Variants in OGDH observed in about 807,000 individuals in gnomAD.
OGDH encodes oxoglutarate dehydrogenase.
In OGDH, 38 loss-of-function variants were observed where a neutral mutation model predicts 116.6. The ratio of observed to expected loss-of-function variants is 0.33; its 90% CI spans 0.25 to 0.43. The LOEUF (loss-of-function observed/expected upper bound fraction) is 0.43. OGDH is among the 20% of genes least tolerant of loss of function. The pLI is 1.00. For synonymous variants in OGDH, 488 were observed against 533.3 expected (o/e 0.92, Z 1.17); for missense variants, 825 against 1,357.2 (o/e 0.61, Z 6.16).
chr7:44,707,288 A>G lies in OGDH; in HGVS notation c.2696A>G (p.Lys899Arg). 1 of 1,614,256 alleles carries G rather than the reference A, an allele frequency of 6.2e-7. No homozygotes were observed. Among genetic ancestry groups the G allele is most frequent in the African/African-American group, 1.3e-5 (1 of 75,068 alleles). Residue 899 changes from lysine (K) to arginine (R), a missense_variant, in exon 21 of 23, where the codon AAA becomes AGA. Lys to Arg is a conservative substitution (Grantham distance 26, BLOSUM62 2). Around this residue, in one of 7 missense-constraint regions of OGDH, gnomAD observed 212 missense variants for 284.3 expected, o/e 0.75. Transcript: ENST00000222673. This position sits in a 1 kb window ranked among gnomAD's most constrained non-coding sequence, Gnocchi z 5.2. ...GCAGCTCAGAACCCAGAAAATGTCA[A>G]AAGGCTTCTCTTCTGCACCGGCAAA... ...GPAAQNPENV[K>R]RLLFCTGKVY...
intron 4 of OGDH, among the ~76,000 whole-genome samples, chr7:44,652,312 AT>A (rs1786485701): frequency 6.6e-6 from 1 of 150,582 alleles, no homozygotes; most frequent in Non-Finnish European, 1.5e-5. Flanking sequence ...GTTTCACCAT[AT>A]TGGCCAGGCT....
intron 1 of OGDH, among the ~76,000 whole-genome samples, chr7:44,612,113 T>C (rs190722826): frequency 1.3e-5 from 2 of 152,278 alleles, no homozygotes; most frequent in Admixed American, 6.5e-5. Context: ...GTGGGGGGTT[T>C]TTGCTTATGA....
chr7:44,698,074 C>T, intron 17 of OGDH, 118 bp from the exon 18 acceptor site: 1 of 1,189,476 alleles, frequency 8.4e-7, no homozygotes, highest in Non-Finnish European at 1.2e-6. Flanking sequence ...GGAACTGAAC[C>T]CTGCCATCAA....
At chr7:44,621,951 G>A (rs1029933853) in intron 1 of OGDH, among the ~76,000 whole-genome samples, 1 of 152,132 alleles carries the variant, frequency 6.6e-6, no homozygotes, top group African/African-American at 2.4e-5. Flanking sequence ...ACTGCGGATA[G>A]CAAAATGTCA....
intron 20 of OGDH, among the ~76,000 whole-genome samples, chr7:44,703,077 G>A (rs1474824334): frequency 6.6e-6 from 1 of 152,030 alleles, no homozygotes. Context: ...TAATGTCTGC[G>A]AGGTCCATCC....
At chr7:44,667,369 G>A (rs1787230620) in intron 5 of OGDH, among the ~76,000 whole-genome samples, 1 of 152,180 alleles carries the variant, frequency 6.6e-6, no homozygotes, top group African/African-American at 2.4e-5. Flanking sequence ...GATCCCACTA[G>A]GAGTTTATTA....
chr7:44,697,623 C>T lies in OGDH; in HGVS notation c.2199C>T (p.Ala733=), dbSNP rs774585534. 16 of 1,614,152 alleles carry T rather than the reference C, an allele frequency of 9.9e-6. No homozygotes were observed. Among genetic ancestry groups the T allele is most frequent in the Non-Finnish European group, 1.1e-5 (13 of 1,180,056 alleles). Reference sequence around the variant, plus strand: ...TTGTAGGCTTTGAGCTGGGCTTCGCCATGGCCAGTCCTAATGCCCTGGTCC... The same window carrying T: ...TTGTAGGCTTTGAGCTGGGCTTCGCTATGGCCAGTCCTAATGCCCTGGTCC... The part of the protein sequence containing the change: ...YGVLGFELGF[A]MASPNALVLW... The change falls in exon 17 of 23, where the codon GCC becomes GCT. Residue 733 remains alanine, a synonymous_variant. Transcript: ENST00000222673. The surrounding 1 kb of genome is among the most constrained non-coding windows in gnomAD (Gnocchi z 6.0).
At chr7:44,656,561 G>A (rs1382287478) in intron 4 of OGDH, among the ~76,000 whole-genome samples, 5 of 152,242 alleles carry the variant, frequency 3.3e-5, no homozygotes, top group Admixed American at 6.5e-5. Context: ...ATATGGTATC[G>A]TTTTGTTTCT....
At chr7:44,656,221 A>G in intron 4 of OGDH, 1 of 1,154,556 alleles carries the variant, frequency 8.7e-7, no homozygotes. Context: ...TACTGTGGTA[A>G]TGGTGTAGGG....
chr7:44,610,106 T>A (rs1784504427), intron 1 of OGDH, among the ~76,000 whole-genome samples: 1 of 152,142 alleles, frequency 6.6e-6, no homozygotes, highest in Non-Finnish European at 1.5e-5. Flanking sequence ...TGAGCCACCA[T>A]GCCTGGCCCC....
rs2116155678 is a variant in OGDH at position 44,674,562 on chromosome 7, A to G, written c.935+5A>G. On this transcript the variant is annotated splice_donor_5th_base_variant and intron_variant, in intron 7 of 22. Transcript: ENST00000222673. ...GATCATGGGCATGCCACACAGGTACAGCCAAGGGCGCGCCCAACCTGGTTT... is the reference window on the plus strand; with the variant it reads ...GATCATGGGCATGCCACACAGGTACGGCCAAGGGCGCGCCCAACCTGGTTT... 1 of 1,613,900 alleles carries G rather than the reference A, an allele frequency of 6.2e-7. No homozygotes were observed. Among genetic ancestry groups the G allele is most frequent in the Non-Finnish European group, 8.5e-7 (1 of 1,179,956 alleles).
chr7:44,688,414 A>G (rs1263795097), intron 10 of OGDH, among the ~76,000 whole-genome samples: 1 of 147,150 alleles, frequency 6.8e-6, no homozygotes, highest in Non-Finnish European at 1.5e-5. Context: ...ACATTTATGT[A>G]CAAGTGTTTA....
At position 44,645,520 on chromosome 7, in the gene OGDH, T is replaced by A. The variant is rs773376406; in HGVS notation, c.414+2T>A. 6.2e-7 allele frequency: 1 copy of A among 1,613,668 alleles called. No homozygotes were observed. ...CAGTCGCTCATCAGGGCATATCAGG[T>A]AAGGCGGGTGCTTTACCCGCACACG... is the stretch of plus-strand genomic sequence containing the variant. On this transcript the variant is annotated splice_donor_variant, in intron 3 of 22. Coordinates refer to ENST00000222673, the MANE Select transcript of OGDH (RefSeq NM_002541.4). LOFTEE classifies it high-confidence loss of function.
chr7:44,703,493 G>T (rs1196991249), intron 20 of OGDH, among the ~76,000 whole-genome samples: 8 of 152,122 alleles, frequency 5.3e-5, no homozygotes, highest in Non-Finnish European at 1.2e-4. Context: ...GCTGAGGCAG[G>T]TCGATCACTT....
intron 1 of OGDH, among the ~76,000 whole-genome samples, chr7:44,609,576 CCACAT>C (rs1325644894): frequency 3.3e-5 from 5 of 151,628 alleles, no homozygotes; most frequent in Non-Finnish European, 7.4e-5. Context: ...TATGGATGTA[CCACAT>C]TTGGTTTATT....
chr7:44,707,650 G>C lies in OGDH; in HGVS notation c.2865G>C (p.Trp955Cys), dbSNP rs1200228490. ...VQKYPNAELA[W>C]CQEEHKNQGY... is the part of the protein sequence containing the mutation. ...AGTACCCCAATGCTGAGCTGGCCTGGTGCCAGGAGGAGCACAAGAACCAAG... is the reference window on the plus strand; with the variant it reads ...AGTACCCCAATGCTGAGCTGGCCTGCTGCCAGGAGGAGCACAAGAACCAAG... Residue 955 changes from tryptophan to cysteine, a missense_variant, in exon 22 of 23, where the codon TGG (tryptophan) becomes TGC (cysteine). This residue lies in a region of OGDH where 212 missense variants were observed against 284.3 expected (regional missense o/e 0.75). Transcript: ENST00000222673. The surrounding 1 kb of genome is among the most constrained non-coding windows in gnomAD (Gnocchi z 5.2). 6.2e-7 allele frequency: 1 copy of C among 1,614,080 alleles called. No homozygotes were observed.
At chr7:44,666,496 A>G in intron 4 of OGDH, 2 of 277,458 alleles carry the variant, frequency 7.2e-6, no homozygotes, top group Non-Finnish European at 1.3e-5. Context: ...GCATAATATG[A>G]ATTTTATTGT....
intron 10 of OGDH, among the ~76,000 whole-genome samples, chr7:44,693,451 A>T (rs1009743769): frequency 1.3e-5 from 2 of 152,220 alleles, no homozygotes; most frequent in African/African-American, 4.8e-5. Context: ...TACAAAAAAT[A>T]AAAAGAATTA....
intron 2 of OGDH, among the ~76,000 whole-genome samples, chr7:44,636,970 C>T (rs1220745648): frequency 6.6e-6 from 1 of 152,144 alleles, no homozygotes; most frequent in Non-Finnish European, 1.5e-5. Flanking sequence ...AACCACCCCT[C>T]CCTCTGATGC....
Sources: gnomAD v4.1 joint callset for allele counts (sites outside exome capture counted in the v4.1 genomes callset) on GRCh38, gnomAD v4.1.1 for gene constraint, gnomAD v4.1.1 regional missense constraint, Gnocchi (gnomAD v3.1) non-coding constraint, MANE v1.5 for transcripts, NCBI Gene and HGNC (gene_info 2026-07-23, HGNC 2026-07-21) for gene names.